LOC128125818: variants seen among roughly 807,000 people sequenced by gnomAD.
At chr4:6,069,236 C>T in the LOC128125818 span, among the ~76,000 whole-genome samples, 1 of 152,118 alleles carries the variant, frequency 6.6e-6, no homozygotes, top group African/African-American at 2.4e-5. This position sits in a 1 kb window ranked among gnomAD's most constrained non-coding sequence, Gnocchi z 4.5. Flanking sequence ...AAAAAAATGG[C>T]AAACATGAAA....
At chr4:6,065,289 G>A in the LOC128125818 span, among the ~76,000 whole-genome samples, 1 of 152,168 alleles carries the variant, frequency 6.6e-6, no homozygotes, top group Non-Finnish European at 1.5e-5. This position sits in a 1 kb window ranked among gnomAD's most constrained non-coding sequence, Gnocchi z 5.1. Context: ...TTGGCCCCTG[G>A]AGCACCAGCC....
the LOC128125818 span, among the ~76,000 whole-genome samples, chr4:6,067,716 T>G: frequency 6.7e-6 from 1 of 148,530 alleles, no homozygotes; most frequent in African/African-American, 2.5e-5. The surrounding 1 kb of genome is among the most constrained non-coding windows in gnomAD (Gnocchi z 4.6). Flanking sequence ...GTCACCCCCC[T>G]GAGCTCCACG....
At chr4:6,069,591 G>T in the LOC128125818 span, among the ~76,000 whole-genome samples, 5 of 151,942 alleles carry the variant, frequency 3.3e-5, no homozygotes, top group Non-Finnish European at 5.9e-5. This position sits in a 1 kb window ranked among gnomAD's most constrained non-coding sequence, Gnocchi z 4.5. Flanking sequence ...TCTACAAAAA[G>T]TTATTTAAAA....
the LOC128125818 span, among the ~76,000 whole-genome samples, chr4:6,066,185 C>A: frequency 6.6e-6 from 1 of 152,162 alleles, no homozygotes; most frequent in East Asian, 1.9e-4. Flanking sequence ...GCACTCCCCA[C>A]ATACTAAGGG....
At chr4:6,068,847 G>A in the LOC128125818 span, among the ~76,000 whole-genome samples, 1 of 152,168 alleles carries the variant, frequency 6.6e-6, no homozygotes, top group Non-Finnish European at 1.5e-5. Flanking sequence ...TGGGATCACA[G>A]GTGTGAGCCA....
the LOC128125818 span, among the ~76,000 whole-genome samples, chr4:6,065,892 G>A: frequency 1.3e-5 from 2 of 152,324 alleles, no homozygotes; most frequent in African/African-American, 4.8e-5. The surrounding 1 kb of genome is among the most constrained non-coding windows in gnomAD (Gnocchi z 5.1). Context: ...ATCATAACCA[G>A]GCCAGGTCCC....
chr4:6,067,228 TC>T, the LOC128125818 span, among the ~76,000 whole-genome samples: 1 of 152,186 alleles, frequency 6.6e-6, no homozygotes, highest in African/African-American at 2.4e-5. The surrounding 1 kb of genome is among the most constrained non-coding windows in gnomAD (Gnocchi z 4.6). Flanking sequence ...CTCGACTGTA[TC>T]CCAGTGTTAA....
At chr4:6,065,683 C>T in the LOC128125818 span, among the ~76,000 whole-genome samples, 70 of 152,322 alleles carry the variant, frequency 4.6e-4, no homozygotes, top group African/African-American at 1.5e-3. This position sits in a 1 kb window ranked among gnomAD's most constrained non-coding sequence, Gnocchi z 5.1. Context: ...GACCTTCACA[C>T]GACCATCACT....
At chr4:6,067,779 C>T in the LOC128125818 span, among the ~76,000 whole-genome samples, 1 of 141,458 alleles carries the variant, frequency 7.1e-6, no homozygotes, top group Non-Finnish European at 1.5e-5. This position sits in a 1 kb window ranked among gnomAD's most constrained non-coding sequence, Gnocchi z 4.6. Context: ...TCCACGTTCA[C>T]TCAAGCTCTT....
the LOC128125818 span, among the ~76,000 whole-genome samples, chr4:6,069,512 G>C: frequency 1.3e-5 from 2 of 152,196 alleles, no homozygotes; most frequent in Admixed American, 6.5e-5. This position sits in a 1 kb window ranked among gnomAD's most constrained non-coding sequence, Gnocchi z 4.5. Context: ...ACTTTGGGAG[G>C]CTGAGGCAGA....
the LOC128125818 span, chr4:6,065,075 C>A: frequency 1.2e-5 from 19 of 1,592,834 alleles, no homozygotes; most frequent in Non-Finnish European, 1.5e-5. This position sits in a 1 kb window ranked among gnomAD's most constrained non-coding sequence, Gnocchi z 5.1. Flanking sequence ...AGTCCCTGGT[C>A]GTGGGCATGC....
chr4:6,065,993 T>TG, the LOC128125818 span, among the ~76,000 whole-genome samples: 1 of 152,166 alleles, frequency 6.6e-6, no homozygotes, highest in Admixed American at 6.5e-5. This position sits in a 1 kb window ranked among gnomAD's most constrained non-coding sequence, Gnocchi z 5.1. Flanking sequence ...ATAGCTTTTT[T>TG]GGGTTTTTTT....
chr4:6,065,382 G>A, the LOC128125818 span, among the ~76,000 whole-genome samples: 5 of 152,210 alleles, frequency 3.3e-5, no homozygotes, highest in Non-Finnish European at 7.3e-5. This position sits in a 1 kb window ranked among gnomAD's most constrained non-coding sequence, Gnocchi z 5.1. Flanking sequence ...CCAGAAAGCA[G>A]CCCAGCACTC....
At chr4:6,066,541 G>A in the LOC128125818 span, among the ~76,000 whole-genome samples, 5 of 152,006 alleles carry the variant, frequency 3.3e-5, no homozygotes, top group Admixed American at 6.6e-5. Context: ...GAATCCTAGC[G>A]GGCAGTGACT....
At chr4:6,067,553 G>T in the LOC128125818 span, among the ~76,000 whole-genome samples, 6 of 149,796 alleles carry the variant, frequency 4.0e-5, no homozygotes, top group African/African-American at 1.5e-4. This position sits in a 1 kb window ranked among gnomAD's most constrained non-coding sequence, Gnocchi z 4.6. Flanking sequence ...GGTGACAATG[G>T]CACCCACGGG....
the LOC128125818 span, among the ~76,000 whole-genome samples, chr4:6,068,391 C>A: frequency 6.6e-6 from 1 of 152,056 alleles, no homozygotes; most frequent in East Asian, 1.9e-4. Flanking sequence ...GGAAGCAGCT[C>A]TTAGAGCAGA....
the LOC128125818 span, chr4:6,065,088 G>C: frequency 6.5e-7 from 1 of 1,548,218 alleles, no homozygotes; most frequent in Non-Finnish European, 8.9e-7. The surrounding 1 kb of genome is among the most constrained non-coding windows in gnomAD (Gnocchi z 5.1). Context: ...GGGCATGCCA[G>C]TGCAGGGGGG....
the LOC128125818 span, among the ~76,000 whole-genome samples, chr4:6,067,827 C>G: frequency 0.031 from 4,580 of 147,554 alleles, 52 homozygotes; most frequent in African/African-American, 0.12. This position sits in a 1 kb window ranked among gnomAD's most constrained non-coding sequence, Gnocchi z 4.6. Context: ...TCCACGTTCA[C>G]TCAAGCTCTT....
At chr4:6,069,206 C>T in the LOC128125818 span, among the ~76,000 whole-genome samples, 1 of 152,128 alleles carries the variant, frequency 6.6e-6, no homozygotes, top group African/African-American at 2.4e-5. The surrounding 1 kb of genome is among the most constrained non-coding windows in gnomAD (Gnocchi z 4.5). Context: ...CCTGTCATGA[C>T]TGGCACACAG....
Sources: gnomAD v4.1 joint callset for allele counts (sites outside exome capture counted in the v4.1 genomes callset) on GRCh38, gnomAD v4.1.1 for gene constraint, Gnocchi (gnomAD v3.1) non-coding constraint, MANE v1.5 for transcripts.